The following PSPC1 variants were observed in gnomAD, a reference collection of about 807,000 sequenced individuals.
PSPC1 encodes the protein paraspeckle component 1, also known as paraspeckle protein 1.
In PSPC1, 14 loss-of-function variants were observed where a neutral mutation model predicts 51.6. The ratio of observed to expected loss-of-function variants is 0.27; its 90% confidence interval spans 0.18 to 0.42. The LOEUF is 0.42. PSPC1 is among the 10% of genes least tolerant of loss of function. The probability of loss-of-function intolerance (pLI) is 1.00; values close to 1 mark genes in which losing one functional copy is unlikely to be tolerated. For synonymous variants in PSPC1, 193 were observed against 231.9 expected (o/e 0.83, Z 1.53); for missense variants, 406 against 701.1 (o/e 0.58, Z 4.75).
intron 6 of PSPC1, among the ~76,000 whole-genome samples, chr13:19,712,053 T>C (rs1881511005): frequency 6.6e-6 from 1 of 152,152 alleles, no homozygotes; most frequent in Non-Finnish European, 1.5e-5. Flanking sequence ...CAAAATCTTC[T>C]AGCTATAAAA....
At chr13:19,725,619 A>T (rs1883284915) in intron 6 of PSPC1, among the ~76,000 whole-genome samples, 1 of 149,610 alleles carries the variant, frequency 6.7e-6, no homozygotes, top group Non-Finnish European at 1.5e-5. Context: ...AAAACAAAAC[A>T]AAACAAACAA....
At chr13:19,728,866 GTCTA>G (rs1399713924) in intron 6 of PSPC1, among the ~76,000 whole-genome samples, 4 of 152,018 alleles carry the variant, frequency 2.6e-5, no homozygotes, top group Non-Finnish European at 5.9e-5. Flanking sequence ...TAACTTTGTG[GTCTA>G]TCTACCATAA....
rs780541296 is a variant in PSPC1, at chr13:19,782,148, G to C, written c.372+238C>G. Among the ~76,000 whole-genome samples, 48 of 152,228 alleles carry C rather than the reference G, an allele frequency of 3.2e-4. No individual in the cohort carries two copies. Among genetic ancestry groups the C allele is most frequent in the Non-Finnish European group, 5.9e-4 (40 of 68,046 alleles). On this transcript the variant is annotated intron_variant, in intron 1 of 8. Transcript: ENST00000338910. This position sits in a 1 kb window ranked among gnomAD's most constrained non-coding sequence, Gnocchi z 4.5. Reference sequence around the variant, plus strand: ...GCAGCCACCGCAAAGCACGATCGGCGCACGGCAGAAAACGGCGGCCACTGT... The same window carrying C: ...GCAGCCACCGCAAAGCACGATCGGCCCACGGCAGAAAACGGCGGCCACTGT...
intron 6 of PSPC1, among the ~76,000 whole-genome samples, chr13:19,723,908 A>C (rs947217195): frequency 6.6e-6 from 1 of 152,190 alleles, no homozygotes; most frequent in East Asian, 1.9e-4. Context: ...GTTATTATCC[A>C]TTTTGATTTT....
rs948601179 is a variant in PSPC1, at chr13:19,765,382, T to TAATAA, written c.675-5969_675-5965dup. On this transcript the variant is annotated intron_variant, in intron 2 of 8. Transcript: ENST00000338910. ...ATTATTATTACCAGGATGACGATAT[T>TAATAA]AATAAAATATTTTATGATGGAGAAA... Among the ~76,000 whole-genome samples the TAATAA allele has an allele frequency of 2.4e-4, 35 of 148,324 alleles. 1 individual carries two copies. Among genetic ancestry groups the TAATAA allele is most frequent in the Admixed American group, 1.6e-3 (23 of 14,758 alleles).
chr13:19,687,625 T>C (rs1206893871), intron 6 of PSPC1, among the ~76,000 whole-genome samples: 1 of 152,092 alleles, frequency 6.6e-6, no homozygotes, highest in African/African-American at 2.4e-5. Flanking sequence ...TATCATTTGG[T>C]TTTTTAAAAC....
At chr13:19,737,105 G>A (rs1884926077) in intron 5 of PSPC1, 2 of 152,214 alleles carry the variant, frequency 1.3e-5, no homozygotes, top group East Asian at 1.9e-4. Flanking sequence ...CCCTCCTTAG[G>A]TAACCTGGTA....
rs1476974236 is a variant in PSPC1 at position 19,751,314 on chromosome 13, C to T, written c.924G>A (p.Met308Ile). The change falls in exon 4 of 9, where the codon ATG becomes ATA. Residue 308 changes from methionine to isoleucine, a missense_variant. Physicochemically the swap from Met to Ile is conservative, Grantham distance 10. Coordinates refer to ENST00000338910, the MANE Select transcript of PSPC1 (RefSeq NM_001354909.2). ...ATTGGTGTTCATGCCTAGCTGCTTCCATTTCTGCCTCCAGTTTCTCTTTGG... is the reference window on the plus strand; with the variant it reads ...ATTGGTGTTCATGCCTAGCTGCTTCTATTTCTGCCTCCAGTTTCTCTTTGG... ...REAKEKLEAE[M>I]EAARHEHQLM... The T allele has an allele frequency of 2.5e-6, 4 of 1,569,634 alleles. No homozygotes were observed. The highest frequency in any genetic ancestry group is 3.4e-6 in the Non-Finnish European group (4 of 1,165,194).
intron 2 of PSPC1, among the ~76,000 whole-genome samples, chr13:19,770,300 G>A (rs1414907185): frequency 6.6e-6 from 1 of 152,158 alleles, no homozygotes; most frequent in East Asian, 1.9e-4. Context: ...ACTTCTGTGG[G>A]GTAACGGAAG....
At chr13:19,705,983 G>C in intron 7 of PSPC1, 152 bp from the exon 8 acceptor site, 1 of 527,614 alleles carries the variant, frequency 1.9e-6, no homozygotes. Context: ...CTCTGTAATA[G>C]GGTATTACCT....
At chr13:19,717,039 G>T (rs1442710951) in intron 6 of PSPC1, among the ~76,000 whole-genome samples, 1 of 149,672 alleles carries the variant, frequency 6.7e-6, no homozygotes, top group Non-Finnish European at 1.5e-5. Flanking sequence ...AAAGCTTGGC[G>T]ACACAGCAAG....
intron 6 of PSPC1, among the ~76,000 whole-genome samples, chr13:19,720,103 A>C (rs1292881309): frequency 6.6e-6 from 1 of 152,342 alleles, no homozygotes; most frequent in East Asian, 1.9e-4. Context: ...GTATTTAATT[A>C]TTCTTCAAAT....
chr13:19,755,036 C>G lies in PSPC1; in HGVS notation c.771-3569G>C, dbSNP rs540821001. On this transcript the variant is annotated intron_variant, in intron 3 of 8. Coordinates refer to ENST00000338910, the MANE Select transcript of PSPC1 (RefSeq NM_001354909.2). ...TCGCTTGAGCCCAGGAGTTCGAGAC[C>G]ACGCTGAGCAACATGACAAAACTCT... is the stretch of plus-strand genomic sequence containing the variant. Among the ~76,000 whole-genome samples, 18 of 151,936 alleles carry G rather than the reference C, an allele frequency of 1.2e-4. No individual in the cohort carries two copies. The South Asian group carries it at 3.5e-3, about 30-fold the overall frequency.
chr13:19,776,246 A>T (rs1013069095), intron 1 of PSPC1, among the ~76,000 whole-genome samples: 1 of 152,070 alleles, frequency 6.6e-6, no homozygotes, highest in African/African-American at 2.4e-5. Context: ...GGATCATGTA[A>T]GCCCAGGAGT....
intron 6 of PSPC1, among the ~76,000 whole-genome samples, chr13:19,688,074 ACACT>A (rs1037986561): frequency 1.4e-4 from 21 of 151,988 alleles, no homozygotes; most frequent in African/African-American, 3.6e-4. Flanking sequence ...ATCTCTGGAC[ACACT>A]CACTAAGATA....
intron 5 of PSPC1, among the ~76,000 whole-genome samples, chr13:19,741,153 C>A (rs967198043): frequency 6.6e-6 from 1 of 152,132 alleles, no homozygotes; most frequent in African/African-American, 2.4e-5. Context: ...GAATTACAGG[C>A]ATGAGCTACT....
intron 3 of PSPC1, among the ~76,000 whole-genome samples, 165 bp downstream of exon 3, chr13:19,759,155 AAAC>A (rs1457654559): frequency 3.3e-5 from 5 of 152,116 alleles, no homozygotes; most frequent in Non-Finnish European, 5.9e-5. Context: ...ATCTCAAAAA[AAAC>A]AAAAAGAAAG....
At chr13:19,675,727 G>A (rs1876564427) in intron 7 of PSPC1, 1 of 152,170 alleles carries the variant, frequency 6.6e-6, no homozygotes, top group South Asian at 2.1e-4. Flanking sequence ...AGAAACAAGA[G>A]CTTTCAGTCC....
intron 6 of PSPC1, among the ~76,000 whole-genome samples, chr13:19,711,208 A>G (rs1272461106): frequency 1.3e-5 from 2 of 152,310 alleles, no homozygotes; most frequent in Non-Finnish European, 2.9e-5. Flanking sequence ...AATGGATACT[A>G]TTGCTGACCT....
Sources: allele counts gnomAD v4.1 joint callset (sites outside exome capture counted in the v4.1 genomes callset), GRCh38; gene constraint gnomAD v4.1.1; non-coding constraint Gnocchi (gnomAD v3.1); transcripts MANE v1.5; gene names NCBI Gene and HGNC (gene_info 2026-07-23, HGNC 2026-07-21).